Variants in FGF14 observed in about 807,000 individuals in gnomAD.
The protein encoded by FGF14 is fibroblast growth factor homologous factor 4.
FGF14 carries 5 observed loss-of-function variants against 25.5 expected under a neutral mutation model. That is an observed-to-expected ratio of 0.20 (90% CI 0.10 to 0.41). FGF14 has a LOEUF of 0.41. FGF14 is among the 10% of genes least tolerant of loss of function. The pLI, the probability that FGF14 is intolerant of heterozygous loss-of-function variation, is 1.00. For missense variants in FGF14, 222 were observed against 320.1 expected, an observed-to-expected ratio of 0.69 and a Z score of 2.34; for synonymous variants, 138 against 118.3, an observed-to-expected ratio of 1.17 and a Z score of -1.08.
chr13:101,826,170 C>T (rs1041391728), intron 3 of FGF14, among the ~76,000 whole-genome samples: 1 of 152,082 alleles, frequency 6.6e-6, no homozygotes, highest in South Asian at 2.1e-4. Context: ...ACCGTTAAAA[C>T]ATGCAGCCAT....
chr13:102,212,491 T>C (rs1056117484), intron 1 of FGF14, among the ~76,000 whole-genome samples: 11 of 152,228 alleles, frequency 7.2e-5, no homozygotes, highest in African/African-American at 2.4e-4. Context: ...GTCCCCCTGC[T>C]ATTCTGTTCA....
chr13:102,038,749 T>C (rs1477127687), intron 1 of FGF14, among the ~76,000 whole-genome samples: 4 of 152,108 alleles, frequency 2.6e-5, no homozygotes, highest in Non-Finnish European at 5.9e-5. Context: ...AGTGTGAAAG[T>C]TTTAATTTTT....
chr13:101,934,445 GA>G (rs1233721461), intron 1 of FGF14, among the ~76,000 whole-genome samples: 2 of 152,132 alleles, frequency 1.3e-5, no homozygotes, highest in African/African-American at 4.8e-5. Context: ...TCTGAGGTGG[GA>G]GATTGACTGG....
chr13:102,303,939 T>A (rs1269905211), intron 1 of FGF14, among the ~76,000 whole-genome samples: 1 of 152,188 alleles, frequency 6.6e-6, no homozygotes, highest in Non-Finnish European at 1.5e-5. Context: ...ACAGCGATTT[T>A]AGACAATTAG....
intron 1 of FGF14, among the ~76,000 whole-genome samples, chr13:102,024,048 TCCA>T (rs1200547855): frequency 6.6e-6 from 1 of 152,080 alleles, no homozygotes; most frequent in Non-Finnish European, 1.5e-5. Context: ...TTCAGTTGTC[TCCA>T]CTTTTACACT....
At chr13:102,133,452 G>GTA (rs2046285384) in intron 1 of FGF14, among the ~76,000 whole-genome samples, 1 of 152,090 alleles carries the variant, frequency 6.6e-6, no homozygotes, top group South Asian at 2.1e-4. Flanking sequence ...ATTTAAGTAT[G>GTA]TATATATATT....
At chr13:102,255,149 T>C (rs927673598) in intron 1 of FGF14, among the ~76,000 whole-genome samples, 3 of 152,218 alleles carry the variant, frequency 2.0e-5, no homozygotes, top group African/African-American at 4.8e-5. Context: ...CTTTCATCAC[T>C]GAGTTCCAGA....
chr13:102,287,445 G>A (rs2054161687), intron 1 of FGF14, among the ~76,000 whole-genome samples: 2 of 152,058 alleles, frequency 1.3e-5, no homozygotes, highest in African/African-American at 2.4e-5. Flanking sequence ...GCAATTTAGG[G>A]GATAATTCTT....
Position 101,720,099 on chromosome 13 carries a change from TAAC to T in FGF14, c.*2729_*2731del, listed in dbSNP as rs1257350780. ...ATTCAATATGTTGTATTTGTGAATT[TAAC>T]AAATGATATTAAACACAAACTACAA... On this transcript the variant is annotated 3_prime_UTR_variant, in exon 5 of 5. Transcript: ENST00000376143. 1 of 152,104 alleles carries T rather than the reference TAAC, an allele frequency of 6.6e-6. No homozygotes were observed. The highest frequency in any genetic ancestry group is 2.4e-5 in the African/African-American group (1 of 41,442). The allele number at this position is 152,104 out of a possible 1,614,324, so 9.4% of individuals were successfully genotyped here. A position where few individuals can be genotyped will look rare whatever the true frequency, so the allele number is the denominator to read the frequency against.
chr13:102,156,063 T>C (rs377728504), intron 1 of FGF14, among the ~76,000 whole-genome samples: 2 of 152,170 alleles, frequency 1.3e-5, no homozygotes, highest in Non-Finnish European at 2.9e-5. Context: ...GATTCACAGC[T>C]GAATTCTACC....
chr13:102,338,817 C>A (rs2056864789), intron 1 of FGF14, among the ~76,000 whole-genome samples: 1 of 151,876 alleles, frequency 6.6e-6, no homozygotes, highest in Non-Finnish European at 1.5e-5. Flanking sequence ...AGCTCGAGAC[C>A]AGCCTAGCCA....
chr13:102,083,303 T>C (rs1348792544), intron 1 of FGF14, among the ~76,000 whole-genome samples: 1 of 152,228 alleles, frequency 6.6e-6, no homozygotes, highest in Non-Finnish European at 1.5e-5. Flanking sequence ...TTGTCAACTC[T>C]GCAGCCTTTC....
At chr13:101,880,235 A>C (rs1051111330) in intron 1 of FGF14, among the ~76,000 whole-genome samples, 7 of 152,104 alleles carry the variant, frequency 4.6e-5, no homozygotes, top group Admixed American at 4.6e-4. Flanking sequence ...TGCCTATCAG[A>C]ATCCTATGTC....
chr13:101,834,068 C>A (rs1396071250), intron 3 of FGF14, among the ~76,000 whole-genome samples: 1 of 152,044 alleles, frequency 6.6e-6, no homozygotes, highest in Admixed American at 6.6e-5. Flanking sequence ...CAAGCAATCA[C>A]CTCCAAGTGA....
chr13:101,920,289 A>G (rs2033903916), upstream of FGF14, among the ~76,000 whole-genome samples: 3 of 152,220 alleles, frequency 2.0e-5, no homozygotes, highest in Admixed American at 6.5e-5. Context: ...AGAGGAAAAT[A>G]AAGTACGGCC....
chr13:101,848,557 T>C (rs2043585580), intron 3 of FGF14, among the ~76,000 whole-genome samples: 1 of 152,082 alleles, frequency 6.6e-6, no homozygotes. Flanking sequence ...GTTTTAGAGA[T>C]GATTGGTAAA....
Position 102,375,428 on chromosome 13 carries a change from T to C in FGF14, c.208+26043A>G, listed in dbSNP as rs527495463. Among the ~76,000 whole-genome samples, 7 of 152,288 alleles carry C rather than the reference T, an allele frequency of 4.6e-5. No individual in the cohort carries two copies. In the East Asian group the frequency reaches 1.3e-3, roughly 29 times the overall value. On this transcript the variant is annotated intron_variant, in intron 1 of 4. Coordinates refer to the FGF14 transcript ENST00000376131. ...TGTTTTAACTGAAAGCATAAGACTT[T>C]GTAGTAAATTAATGACTGGAAATCA...
chr13:101,867,071 C>T lies in FGF14; in HGVS notation c.408+1654G>A, dbSNP rs148367371. Among the ~76,000 whole-genome samples the T allele has an allele frequency of 1.5e-3, 222 of 152,190 alleles. 3 individuals are homozygous for T. In the Middle Eastern group the frequency reaches 0.034, roughly 23 times the overall value. ...CCAGTAACAAGCCTTAAATTGTTCC[C>T]GGGACTCACCCTGGGCAAATGCTAT... On this transcript the variant is annotated intron_variant, in intron 3 of 4. Transcript: ENST00000376143.
At chr13:102,065,980 C>T (rs887981775) in intron 1 of FGF14, among the ~76,000 whole-genome samples, 8 of 152,014 alleles carry the variant, frequency 5.3e-5, no homozygotes, top group Admixed American at 2.6e-4. Flanking sequence ...TCAACATATT[C>T]CAATCCACTT....
Sources: allele counts gnomAD v4.1 joint callset (sites outside exome capture counted in the v4.1 genomes callset), GRCh38; gene constraint gnomAD v4.1.1; transcripts MANE v1.5; gene names NCBI Gene and HGNC (gene_info 2026-07-23, HGNC 2026-07-21).